SGCZ: variants seen among roughly 807,000 people sequenced by gnomAD.
SGCZ encodes zeta-sarcoglycan.
SGCZ carries 40 observed loss-of-function variants against 41.3 expected under a neutral mutation model. The ratio of observed to expected loss-of-function variants is 0.97; its 90% CI spans 0.75 to 1.26. The LOEUF (loss-of-function observed/expected upper bound fraction) is 1.26, where lower values mean the gene tolerates loss of function less well. Among genes scored for constraint, SGCZ ranks in the 50% most tolerant of loss-of-function variants. The pLI, the probability that SGCZ is intolerant of heterozygous loss-of-function variation, is 0.00. For synonymous variants in SGCZ, 206 were observed against 137.5 expected, an observed-to-expected ratio of 1.50 and a Z score of -3.49; for missense variants, 552 against 369.8, an observed-to-expected ratio of 1.49 and a Z score of -4.04.
intron 4 of SGCZ, among the ~76,000 whole-genome samples, chr8:14,188,340 C>T (rs986597370): frequency 2.0e-5 from 3 of 152,072 alleles, no homozygotes; most frequent in Non-Finnish European, 2.9e-5. Context: ...CAAATGGATC[C>T]GTACAGTAAA....
rs533971982 is a variant in SGCZ, at chr8:14,472,897, T to C, written c.234+81835A>G. ...TTATCCCTGAAGACAATTTAACAAA[T>C]AGTTCTCACCCTAAACCACAAAAGT... On this transcript the variant is annotated intron_variant, in intron 2 of 7. Coordinates refer to ENST00000382080, the MANE Select transcript of SGCZ (RefSeq NM_139167.4). 5.8e-4 allele frequency among the ~76,000 whole-genome samples: 89 copies of C among 152,286 alleles called. 1 individual carries two copies. The highest frequency in any genetic ancestry group is 1.3e-3 in the African/African-American group (56 of 41,574).
At chr8:14,930,169 T>C (rs113829595) in intron 1 of SGCZ, among the ~76,000 whole-genome samples, 11,762 of 152,004 alleles carry the variant, frequency 0.077, 613 homozygotes, top group African/African-American at 0.12. Context: ...CATCAAAAAG[T>C]GGGCGAAGGA....
intron 1 of SGCZ, among the ~76,000 whole-genome samples, chr8:15,147,100 T>G: frequency 6.6e-6 from 1 of 152,274 alleles, no homozygotes; most frequent in Non-Finnish European, 1.5e-5. Context: ...TTGAAAATAT[T>G]AATTTATTGT....
intron 1 of SGCZ, among the ~76,000 whole-genome samples, chr8:14,793,535 T>C (rs560183186): frequency 1.6e-4 from 24 of 152,186 alleles, no homozygotes; most frequent in Non-Finnish European, 8.8e-5. Context: ...AGGTGGTAGA[T>C]AGAATGCTTG....
chr8:14,641,821 T>C (rs1807037145), intron 1 of SGCZ, among the ~76,000 whole-genome samples: 1 of 151,630 alleles, frequency 6.6e-6, no homozygotes, highest in African/African-American at 2.4e-5. Context: ...CTTGCAATTA[T>C]GGGAATAAAA....
Position 14,300,323 on chromosome 8 carries a change from AAG to A in SGCZ, c.336+23778_336+23779del, listed in dbSNP as rs575499613. 3.2e-3 allele frequency among the ~76,000 whole-genome samples: 480 copies of A among 151,672 alleles called. 2 individuals carry two copies. Among genetic ancestry groups the A allele is most frequent in the Non-Finnish European group, 4.6e-3 (313 of 67,758 alleles). On this transcript the variant is annotated intron_variant, in intron 3 of 7. Coordinates refer to ENST00000382080, the MANE Select transcript of SGCZ (RefSeq NM_139167.4). ...GGAGGGAAGGAGGAAGGAAAGAACA[AAG>A]AGAGAGACACGGAGGAAGAAAGCGG...
chr8:14,959,496 T>C (rs574474781), intron 1 of SGCZ, among the ~76,000 whole-genome samples: 1 of 152,292 alleles, frequency 6.6e-6, no homozygotes, highest in Admixed American at 6.5e-5. Context: ...CTTAAAAACA[T>C]AGGATGACTT....
At chr8:15,139,501 G>A (rs1343104290) in intron 1 of SGCZ, among the ~76,000 whole-genome samples, 1 of 151,856 alleles carries the variant, frequency 6.6e-6, no homozygotes, top group African/African-American at 2.4e-5. Context: ...GCATTTTTTG[G>A]AAATAAATAT....
At chr8:14,181,550 G>A (rs761281968) in intron 4 of SGCZ, among the ~76,000 whole-genome samples, 26 of 152,156 alleles carry the variant, frequency 1.7e-4, no homozygotes, top group Non-Finnish European at 3.2e-4. Flanking sequence ...ATCTCACCCT[G>A]AATTGTAATA....
chr8:14,229,552 T>G (rs1806487749), intron 4 of SGCZ, among the ~76,000 whole-genome samples: 1 of 152,044 alleles, frequency 6.6e-6, no homozygotes, highest in South Asian at 2.1e-4. Context: ...TAAACCTAAG[T>G]ATTTTGTTAA....
At chr8:14,827,136 T>C (rs567705376) in intron 1 of SGCZ, among the ~76,000 whole-genome samples, 16 of 148,952 alleles carry the variant, frequency 1.1e-4, no homozygotes, top group South Asian at 6.4e-4. Context: ...CCTTTCAGCA[T>C]GGCAGCTAAG....
chr8:14,622,146 G>C (rs1208896461), intron 1 of SGCZ, among the ~76,000 whole-genome samples: 1 of 152,134 alleles, frequency 6.6e-6, no homozygotes, highest in Non-Finnish European at 1.5e-5. Flanking sequence ...GTTCATGGGA[G>C]AAGCTAGGAA....
intron 2 of SGCZ, among the ~76,000 whole-genome samples, chr8:14,533,528 T>A (rs781216871): frequency 1.3e-5 from 2 of 151,980 alleles, no homozygotes. Context: ...AATAGAACAT[T>A]TAGATATATT....
intron 1 of SGCZ, among the ~76,000 whole-genome samples, chr8:14,582,028 T>A (rs556454922): frequency 2.6e-4 from 39 of 152,242 alleles, no homozygotes; most frequent in African/African-American, 9.4e-4. Context: ...CTCTTCTCCC[T>A]CCTCCTCAGC....
At chr8:14,541,629 T>A (rs1282635509) in intron 2 of SGCZ, among the ~76,000 whole-genome samples, 1 of 152,270 alleles carries the variant, frequency 6.6e-6, no homozygotes, top group South Asian at 2.1e-4. Context: ...TAATACATAA[T>A]CCTTTGGGTA....
At chr8:14,460,781 G>A (rs983100742) in intron 2 of SGCZ, among the ~76,000 whole-genome samples, 1 of 152,154 alleles carries the variant, frequency 6.6e-6, no homozygotes, top group African/African-American at 2.4e-5. Context: ...CTAATTGTCA[G>A]ATGCTAAAGT....
At chr8:14,161,708 AT>A (rs1804050590) in intron 5 of SGCZ, among the ~76,000 whole-genome samples, 1 of 152,182 alleles carries the variant, frequency 6.6e-6, no homozygotes. Context: ...TAGACTTCTA[AT>A]TAAGTAGGGG....
intron 1 of SGCZ, among the ~76,000 whole-genome samples, chr8:14,569,888 C>G (rs932332977): frequency 3.5e-4 from 52 of 149,752 alleles, no homozygotes; most frequent in African/African-American, 1.2e-3. Flanking sequence ...CCAGAGAGGT[C>G]AAATGCCAAA....
At chr8:15,024,304 A>G (rs947386335) in intron 1 of SGCZ, among the ~76,000 whole-genome samples, 3 of 151,630 alleles carry the variant, frequency 2.0e-5, no homozygotes, top group Non-Finnish European at 4.4e-5. Flanking sequence ...TTTGGTTTAT[A>G]TCCACTGGAA....
Sources: allele counts gnomAD v4.1 joint callset (sites outside exome capture counted in the v4.1 genomes callset), GRCh38; gene constraint gnomAD v4.1.1; transcripts MANE v1.5; gene names NCBI Gene and HGNC (gene_info 2026-07-23, HGNC 2026-07-21).